The following WWOX variants were observed in gnomAD, a reference collection of about 807,000 sequenced individuals.
WWOX encodes the protein WW domain containing oxidoreductase.
In WWOX, 69 loss-of-function variants were observed where a neutral mutation model predicts 46.2. That is an observed-to-expected ratio of 1.49 (90% confidence interval 1.23 to 1.82). The LOEUF (loss-of-function observed/expected upper bound fraction) is 1.82, where lower values mean the gene tolerates loss of function less well. WWOX is among the 40% of genes most tolerant of loss of function. The probability of loss-of-function intolerance (pLI) is 0.00; values close to 1 mark genes in which losing one functional copy is unlikely to be tolerated. For synonymous variants in WWOX, 359 were observed against 202.6 expected (o/e 1.77, Z -6.56); for missense variants, 919 against 542.6 (o/e 1.69, Z -6.89).
At chr16:78,715,132 A>G (rs889457687) in intron 8 of WWOX, among the ~76,000 whole-genome samples, 2 of 152,116 alleles carry the variant, frequency 1.3e-5, no homozygotes, top group African/African-American at 4.8e-5. Context: ...AAAAAAGAGA[A>G]TGGATTGTGA....
chr16:78,944,084 G>GA, intron 8 of WWOX, among the ~76,000 whole-genome samples: 1 of 152,128 alleles, frequency 6.6e-6, no homozygotes, highest in Non-Finnish European at 1.5e-5. Flanking sequence ...TTCCTCCTGG[G>GA]TTTTGTTTGT....
intron 8 of WWOX, among the ~76,000 whole-genome samples, chr16:78,668,566 C>G (rs574522341): frequency 7.6e-4 from 116 of 152,088 alleles, no homozygotes; most frequent in Non-Finnish European, 1.4e-3. Context: ...AGGGGCGTGA[C>G]AAAGTTACCA....
rs547576214 is a variant in WWOX, at chr16:78,344,090, C to T, written c.517-42770C>T. On this transcript the variant is annotated intron_variant, in intron 5 of 8. Transcript: ENST00000566780. The stretch of plus-strand genomic sequence containing the variant: ...AGAATGCCATTATTCTTCGTCACCA[C>T]GGTCAGGTATATCATCCTAAGGGCA... Among the ~76,000 whole-genome samples the T allele has an allele frequency of 1.7e-4, 20 of 118,850 alleles. 6 individuals carry two copies. Among genetic ancestry groups the T allele is most frequent in the Admixed American group, 5.8e-4 (7 of 12,076 alleles). 78.0% of individuals were successfully genotyped at this position (118,850 alleles called of 152,430 possible). A position where few individuals can be genotyped will look rare whatever the true frequency, so the allele number is the denominator to read the frequency against.
intron 5 of WWOX, among the ~76,000 whole-genome samples, chr16:78,374,476 G>A (rs2081767719): frequency 6.9e-6 from 1 of 145,312 alleles, no homozygotes; most frequent in South Asian, 2.2e-4. Flanking sequence ...CTAAACTGAT[G>A]ACTCTTTTTG....
Position 79,035,388 on chromosome 16 carries a change from G to A in WWOX, c.1057-176220G>A, listed in dbSNP as rs570649504. 5.9e-5 allele frequency among the ~76,000 whole-genome samples: 9 copies of A among 152,252 alleles called. No individual in the cohort carries two copies. In the East Asian group the frequency reaches 1.5e-3, roughly 26 times the overall value. ...AACAAAAGGCCAACCCCATTAGACA[G>A]TGGCCAAGGGAGGTGAACTAAAGTT... On this transcript the variant is annotated intron_variant, in intron 8 of 8. Coordinates refer to ENST00000566780, the MANE Select transcript of WWOX (RefSeq NM_016373.4).
At chr16:78,681,112 G>C (rs2142233121) in intron 8 of WWOX, among the ~76,000 whole-genome samples, 1 of 152,334 alleles carries the variant, frequency 6.6e-6, no homozygotes, top group African/African-American at 2.4e-5. Context: ...AGTTGAGCGT[G>C]GTGGCGCATG....
At chr16:78,453,599 G>A (rs2083743567) in intron 8 of WWOX, among the ~76,000 whole-genome samples, 1 of 152,088 alleles carries the variant, frequency 6.6e-6, no homozygotes, top group Non-Finnish European at 1.5e-5. Flanking sequence ...CTAGGGTAGG[G>A]AGAGATAAAA....
chr16:78,918,987 T>A (rs896253186), intron 8 of WWOX, among the ~76,000 whole-genome samples: 2 of 152,124 alleles, frequency 1.3e-5, no homozygotes, highest in South Asian at 2.1e-4. Flanking sequence ...AAAAGAACTT[T>A]CAGGTGGAAA....
intron 8 of WWOX, among the ~76,000 whole-genome samples, chr16:78,847,376 ATTTG>A (rs900594314): frequency 2.1e-4 from 32 of 152,240 alleles, no homozygotes; most frequent in South Asian, 4.1e-4. Flanking sequence ...ACATTCCATT[ATTTG>A]TTCATATATT....
At chr16:78,892,555 C>A (rs574535536) in intron 8 of WWOX, among the ~76,000 whole-genome samples, 4 of 152,176 alleles carry the variant, frequency 2.6e-5, no homozygotes, top group African/African-American at 7.2e-5. Flanking sequence ...TTGTTCAGAG[C>A]GTTCTTCCTC....
chr16:79,210,976 G>A (rs970503467), intron 8 of WWOX, among the ~76,000 whole-genome samples: 3 of 151,970 alleles, frequency 2.0e-5, no homozygotes, highest in Non-Finnish European at 2.9e-5. Context: ...AGGTTTTCAT[G>A]GGATCTGGAT....
At chr16:79,203,968 C>T (rs1281384064) in intron 8 of WWOX, 6 of 152,114 alleles carry the variant, frequency 3.9e-5, no homozygotes, top group African/African-American at 1.4e-4. Flanking sequence ...TATAAACACC[C>T]AGCAGTCCTT....
chr16:78,315,834 C>G (rs1223667792), intron 5 of WWOX, among the ~76,000 whole-genome samples: 1 of 151,962 alleles, frequency 6.6e-6, no homozygotes, highest in Non-Finnish European at 1.5e-5. Context: ...AAAAAAAATA[C>G]ATAGAAGATA....
chr16:78,397,058 A>C (rs539879657), intron 6 of WWOX, among the ~76,000 whole-genome samples: 34 of 152,202 alleles, frequency 2.2e-4, no homozygotes, highest in Non-Finnish European at 4.4e-4. Context: ...TGGTCAAGGT[A>C]AATAAGTGTT....
intron 6 of WWOX, among the ~76,000 whole-genome samples, chr16:78,397,223 C>T (rs2082307699): frequency 6.6e-6 from 1 of 150,768 alleles, no homozygotes; most frequent in African/African-American, 2.4e-5. Flanking sequence ...GTCAATAAGA[C>T]AACTAAGTGC....
Position 78,481,645 on chromosome 16 carries a change from A to AAAAAAGAT in WWOX, c.1056+48894_1056+48895insAAAAGATA, listed in dbSNP as rs79950393. Among the ~76,000 whole-genome samples the AAAAAAGAT allele has an allele frequency of 6.6e-3, 989 of 148,818 alleles. 23 individuals are homozygous for AAAAAAGAT. The highest frequency in any genetic ancestry group is 0.032 in the East Asian group (165 of 5,138). ...AGTTGATGGAATTGTGAAAAAAAAA[A>AAAAAAGAT]AGAATGTTTTCCCAACAATTTGGCT... On this transcript the variant is annotated intron_variant, in intron 8 of 8. Coordinates refer to ENST00000566780, the MANE Select transcript of WWOX (RefSeq NM_016373.4).
intron 8 of WWOX, among the ~76,000 whole-genome samples, chr16:78,702,648 C>G (rs546784694): frequency 5.9e-4 from 83 of 140,252 alleles, no homozygotes; most frequent in African/African-American, 2.0e-3. Context: ...GAGCAAGACT[C>G]TGTCTCAAAA....
At chr16:78,591,913 ACT>A (rs1200812534) in intron 8 of WWOX, among the ~76,000 whole-genome samples, 4 of 152,144 alleles carry the variant, frequency 2.6e-5, no homozygotes, top group African/African-American at 9.6e-5. Context: ...ACCACTGACC[ACT>A]CTCTGTACAG....
intron 4 of WWOX, among the ~76,000 whole-genome samples, chr16:78,146,256 G>C (rs539736138): frequency 3.7e-4 from 56 of 152,082 alleles, no homozygotes; most frequent in Non-Finnish European, 6.8e-4. Flanking sequence ...GTGCAGGTTG[G>C]AATCCTCTGT....
Sources: gnomAD v4.1 joint callset for allele counts (sites outside exome capture counted in the v4.1 genomes callset) on GRCh38, gnomAD v4.1.1 for gene constraint, MANE v1.5 for transcripts, NCBI Gene and HGNC (gene_info 2026-07-23, HGNC 2026-07-21) for gene names.